Variants in NUP43 observed in about 807,000 individuals in gnomAD.
The protein encoded by NUP43 is nucleoporin 43, also known as nucleoporin Nup43.
Under a neutral mutation model 47.3 loss-of-function variants are expected in NUP43, and 32 were observed. That is an observed-to-expected ratio of 0.68 (90% confidence interval 0.51 to 0.91). NUP43 has a LOEUF of 0.91. Among genes scored for constraint, NUP43 ranks in the 40% least tolerant of loss-of-function variants. NUP43 has a pLI of 0.00. For synonymous variants in NUP43, 147 were observed against 158.4 expected, an observed-to-expected ratio of 0.93 and a Z score of 0.54; for missense variants, 444 against 453.9, an observed-to-expected ratio of 0.98 and a Z score of 0.20.
chr6:149,733,994 T>C (rs760642652), intron 6 of NUP43, among the ~76,000 whole-genome samples: 43 of 151,958 alleles, frequency 2.8e-4, no homozygotes, highest in Non-Finnish European at 5.1e-4. Context: ...CCGGCTAATT[T>C]TGTATTTTTA....
chr6:149,746,669 G>A, upstream of NUP43: 3 of 1,552,780 alleles, frequency 1.9e-6, no homozygotes, highest in East Asian at 2.5e-5. Context: ...AGACTGAGAG[G>A]CCCACCCATC....
chr6:149,727,748 G>A, intron 7 of NUP43: 1 of 982,934 alleles, frequency 1.0e-6, no homozygotes, highest in Non-Finnish European at 1.2e-6. Context: ...GTTCTTACAA[G>A]CAGATTAGAA....
At position 149,739,273 on chromosome 6, in the gene NUP43, T is replaced by G. The variant is rs1785522342; in HGVS notation, c.503-495A>C. 2.0e-5 allele frequency among the ~76,000 whole-genome samples: 3 copies of G among 151,164 alleles called. No individual in the cohort carries two copies. The South Asian group carries it at 6.3e-4, about 32-fold the overall frequency. ...GATTACAGGCTTGAGCCACCACGCC[T>G]GGCCTACTGTTTTCTTTTTCTTTTT... On this transcript the variant is annotated intron_variant, in intron 4 of 7. Transcript: ENST00000340413.
At chr6:149,729,991 T>TGTAATGAG (rs1365163475) in intron 7 of NUP43, among the ~76,000 whole-genome samples, 1 of 151,232 alleles carries the variant, frequency 6.6e-6, no homozygotes, top group Non-Finnish European at 1.5e-5. Flanking sequence ...TACAACTGAC[T>TGTAATGAG]GTAATGAGGA....
At chr6:149,743,175 CAAAA>C (rs879585368) in intron 3 of NUP43, among the ~76,000 whole-genome samples, 19 of 117,406 alleles carry the variant, frequency 1.6e-4, no homozygotes, top group African/African-American at 2.9e-4. Context: ...GACTCTGTCT[CAAAA>C]AAAAAAATAA....
In NUP43 at chr6:149,726,270, G is replaced by A. The variant is rs1183020845; in HGVS notation, c.*699C>T. The A allele has an allele frequency of 6.6e-6, 1 of 151,958 alleles. No individual in the cohort carries two copies. Among genetic ancestry groups the A allele is most frequent in the Non-Finnish European group, 1.5e-5 (1 of 68,098 alleles). The allele number at this position is 151,958 out of a possible 1,614,324, so 9.4% of individuals were successfully genotyped here. On this transcript the variant is annotated 3_prime_UTR_variant, in exon 8 of 8. Coordinates refer to ENST00000340413, the MANE Select transcript of NUP43 (RefSeq NM_198887.3). ...AAATTACAAAAATTAGCTGGGCGTG[G>A]TGGCGCACACCTGTAGTTCCAGCTA...
chr6:149,728,396 G>A, intron 7 of NUP43: 1 of 983,506 alleles, frequency 1.0e-6, no homozygotes, highest in Non-Finnish European at 1.2e-6. Flanking sequence ...ATCCTTAGAT[G>A]AAACTGTTTG....
chr6:149,747,356 C>T (rs968841672), upstream of NUP43, among the ~76,000 whole-genome samples: 3 of 152,070 alleles, frequency 2.0e-5, no homozygotes, highest in Non-Finnish European at 2.9e-5. Flanking sequence ...CAGCTCACTG[C>T]AACCTCTGCC....
At chr6:149,744,879 TTTTTA>T (rs1488142702) in intron 2 of NUP43, among the ~76,000 whole-genome samples, 1 of 151,140 alleles carries the variant, frequency 6.6e-6, no homozygotes, top group Non-Finnish European at 1.5e-5. Flanking sequence ...ATAGCTTTCT[TTTTTA>T]TTTTATTTAT....
intron 6 of NUP43, among the ~76,000 whole-genome samples, chr6:149,734,721 C>T (rs896212570): frequency 6.7e-6 from 1 of 148,878 alleles, no homozygotes; most frequent in Non-Finnish European, 1.5e-5. Flanking sequence ...TGGCTTGAAC[C>T]CAGGAGGCAG....
At chr6:149,732,813 C>G (rs1217014070) in intron 6 of NUP43, among the ~76,000 whole-genome samples, 1 of 152,064 alleles carries the variant, frequency 6.6e-6, no homozygotes, top group African/African-American at 2.4e-5. Flanking sequence ...TCACTGCACT[C>G]CAGCCTGGGC....
At chr6:149,732,721 C>T (rs1224818967) in intron 6 of NUP43, among the ~76,000 whole-genome samples, 1 of 151,838 alleles carries the variant, frequency 6.6e-6, no homozygotes, top group Non-Finnish European at 1.5e-5. Context: ...TGGCAGGTGC[C>T]TGTAATCCCA....
chr6:149,728,181 T>C lies in NUP43; in HGVS notation c.914-983A>G, dbSNP rs1043007548. The C allele has an allele frequency of 8.1e-6, 8 of 984,970 alleles. No individual in the cohort carries two copies. In the Admixed American group the frequency reaches 4.3e-4, roughly 53 times the overall value. 61.0% of individuals were successfully genotyped at this position (984,970 alleles called of 1,614,324 possible). On this transcript the variant is annotated intron_variant, in intron 7 of 7. Coordinates refer to ENST00000340413, the MANE Select transcript of NUP43 (RefSeq NM_198887.3). ...CCTAATTGAACTATCCATGCCTCTG[T>C]CCATGACTAAATATGTCTTAAGAGC...
chr6:149,742,312 C>T (rs916949813), intron 4 of NUP43, 78 bp downstream of exon 4: 3 of 1,375,556 alleles, frequency 2.2e-6, no homozygotes, highest in Non-Finnish European at 3.1e-6. Flanking sequence ...CGGGGTGAGC[C>T]ACCACACCCA....
intron 2 of NUP43, among the ~76,000 whole-genome samples, chr6:149,744,919 A>ATTT (rs1258821779): frequency 1.4e-5 from 2 of 146,832 alleles, no homozygotes; most frequent in Admixed American, 6.8e-5. Context: ...ATTTATTATT[A>ATTT]TTATTTTTTG....
intron 6 of NUP43, among the ~76,000 whole-genome samples, 156 bp downstream of exon 6, chr6:149,736,315 C>T (rs755351034): frequency 6.6e-6 from 1 of 151,798 alleles, no homozygotes; most frequent in African/African-American, 2.4e-5. Flanking sequence ...ACTTAAATGT[C>T]GAGTAAAAAG....
At chr6:149,735,614 A>AAC (rs1181860743) in intron 6 of NUP43, among the ~76,000 whole-genome samples, 23 of 150,528 alleles carry the variant, frequency 1.5e-4, no homozygotes, top group African/African-American at 5.6e-4. Flanking sequence ...AAAAAAAAAA[A>AAC]AAAAAACACA....
At chr6:149,727,306 T>G in intron 7 of NUP43, 108 bp from the exon 8 acceptor site, 3 of 1,453,652 alleles carry the variant, frequency 2.1e-6, no homozygotes, top group Non-Finnish European at 1.8e-6. Context: ...ATGTGTTTAA[T>G]TCTCAGAATA....
intron 2 of NUP43, among the ~76,000 whole-genome samples, chr6:149,744,884 A>G (rs1785883473): frequency 6.7e-6 from 1 of 148,496 alleles, no homozygotes. Context: ...TTTCTTTTTT[A>G]TTTTATTTAT....
Sources: gnomAD v4.1 joint callset for allele counts (sites outside exome capture counted in the v4.1 genomes callset) on GRCh38, gnomAD v4.1.1 for gene constraint, MANE v1.5 for transcripts, NCBI Gene and HGNC (gene_info 2026-07-23, HGNC 2026-07-21) for gene names.